The following NCOA3 variants were observed in gnomAD, a reference collection of about 807,000 sequenced individuals.
The protein encoded by NCOA3 is CBP-interacting protein.
Under a neutral mutation model 158.8 loss-of-function variants are expected in NCOA3, and 51 were observed. That is an observed-to-expected ratio of 0.32 (90% CI 0.26 to 0.41). The LOEUF (loss-of-function observed/expected upper bound fraction) is 0.41, where lower values mean the gene tolerates loss of function less well. Ranked by LOEUF, NCOA3 falls within the 10% of genes least tolerant of loss-of-function variation. The pLI, the probability that NCOA3 is intolerant of heterozygous loss-of-function variation, is 1.00. For missense variants in NCOA3, 1,510 were observed against 1,746.6 expected (o/e 0.86, Z 2.41); for synonymous variants, 537 against 592.4 (o/e 0.91, Z 1.36).
At chr20:47,596,993 C>G (rs545851070) in intron 2 of NCOA3, among the ~76,000 whole-genome samples, 1 of 152,326 alleles carries the variant, frequency 6.6e-6, no homozygotes, top group East Asian at 1.9e-4. Flanking sequence ...GCAATAAGCA[C>G]TGTAATTTTC....
At chr20:47,626,941 A>G in intron 5 of NCOA3, 61 bp from the exon 6 acceptor site, 1 of 1,399,530 alleles carries the variant, frequency 7.1e-7, no homozygotes, top group South Asian at 1.4e-5. Flanking sequence ...CAATTTAAGA[A>G]TTAGAGGGAG....
rs576114479 is a variant in NCOA3 at position 47,580,590 on chromosome 20, A to T, written c.-98-2593A>T. ...CATCCCCCCAAAAAATCCTTTCCTT[A>T]TCCCACCTCTTTTGTTCCTTAGGTG... On this transcript the variant is annotated intron_variant, in intron 1 of 22. Transcript: ENST00000371998. 3.5e-3 allele frequency among the ~76,000 whole-genome samples: 516 copies of T among 146,986 alleles called. 2 individuals are homozygous for T. The highest frequency in any genetic ancestry group is 0.012 in the African/African-American group (488 of 39,544).
In NCOA3 at chr20:47,539,189, G is replaced by A. The variant is rs145802609; in HGVS notation, c.-99+37170G>A. 1.1e-3 allele frequency among the ~76,000 whole-genome samples: 169 copies of A among 152,240 alleles called. 1 individual carries two copies. The highest frequency in any genetic ancestry group is 1.8e-3 in the Non-Finnish European group (124 of 68,022). On this transcript the variant is annotated intron_variant, in intron 1 of 22. Transcript: ENST00000371998. ...TATGTGCTGCCAGGCATGGTGGCATGTTCCTGTAGTCCCAGCTACTTGATA... is the reference window on the plus strand; with the variant it reads ...TATGTGCTGCCAGGCATGGTGGCATATTCCTGTAGTCCCAGCTACTTGATA...
chr20:47,614,979 T>C (rs2086108881), intron 2 of NCOA3, among the ~76,000 whole-genome samples: 1 of 152,204 alleles, frequency 6.6e-6, no homozygotes, highest in African/African-American at 2.4e-5. Context: ...GTAGTACAAA[T>C]GGCTTGTTTT....
chr20:47,592,895 G>A (rs145521940), intron 2 of NCOA3, among the ~76,000 whole-genome samples: 24 of 152,302 alleles, frequency 1.6e-4, no homozygotes, highest in African/African-American at 5.3e-4. Context: ...AGCAGTGAAA[G>A]TATGTCTGTG....
intron 2 of NCOA3, among the ~76,000 whole-genome samples, chr20:47,599,467 T>C (rs573633909): frequency 4.5e-4 from 69 of 152,256 alleles, no homozygotes; most frequent in Non-Finnish European, 7.9e-4. Flanking sequence ...TAAAATTGAT[T>C]ACAGTGAGAG....
chr20:47,526,089 T>G (rs75390647), intron 1 of NCOA3, among the ~76,000 whole-genome samples: 1 of 126,410 alleles, frequency 7.9e-6, no homozygotes, highest in Non-Finnish European at 1.7e-5. Context: ...TCAGACGGGG[T>G]GGCCGGGCAG....
intron 1 of NCOA3, among the ~76,000 whole-genome samples, chr20:47,571,988 A>G (rs1169731672): frequency 6.6e-6 from 1 of 152,122 alleles, no homozygotes; most frequent in Non-Finnish European, 1.5e-5. Context: ...TTGGCCTCCC[A>G]AAGTGTTGGG....
chr20:47,555,013 T>A (rs2425966), intron 1 of NCOA3, among the ~76,000 whole-genome samples: 1 of 151,900 alleles, frequency 6.6e-6, no homozygotes, highest in Non-Finnish European at 1.5e-5. Flanking sequence ...AACAGAGATA[T>A]AGACCAATGG....
chr20:47,623,866 A>T (rs1212643252), intron 3 of NCOA3, 45 bp from the exon 4 acceptor site: 4 of 1,552,146 alleles, frequency 2.6e-6, no homozygotes, highest in Non-Finnish European at 3.5e-6. Flanking sequence ...TTTGTGATAT[A>T]TATATTATGT....
intron 18 of NCOA3, 150 bp downstream of exon 18, chr20:47,647,516 T>C: frequency 1.4e-6 from 1 of 738,656 alleles, no homozygotes; most frequent in Non-Finnish European, 2.2e-6. Flanking sequence ...TTTGTACAAA[T>C]GGCTCCTTGT....
chr20:47,527,583 T>C (rs1385544455), intron 1 of NCOA3, among the ~76,000 whole-genome samples: 1 of 152,230 alleles, frequency 6.6e-6, no homozygotes, highest in Non-Finnish European at 1.5e-5. Context: ...CTGTGAACAT[T>C]TGAATACAAA....
chr20:47,565,803 C>G (rs2085184234), intron 1 of NCOA3, among the ~76,000 whole-genome samples: 1 of 152,094 alleles, frequency 6.6e-6, no homozygotes, highest in African/African-American at 2.4e-5. Context: ...TTTTTTCCTC[C>G]TTCCAGATCC....
chr20:47,545,574 CTCT>C, intron 1 of NCOA3, among the ~76,000 whole-genome samples: 1 of 151,818 alleles, frequency 6.6e-6, no homozygotes, highest in South Asian at 2.1e-4. Flanking sequence ...CTTCCTTCCC[CTCT>C]TCTTTTTTTG....
intron 2 of NCOA3, among the ~76,000 whole-genome samples, chr20:47,592,182 C>T (rs1944250313): frequency 6.6e-6 from 1 of 152,140 alleles, no homozygotes; most frequent in African/African-American, 2.4e-5. Context: ...GCTGGGATTA[C>T]AGGTGCTTGC....
At chr20:47,557,802 T>C (rs921276674) in intron 1 of NCOA3, among the ~76,000 whole-genome samples, 1 of 152,178 alleles carries the variant, frequency 6.6e-6, no homozygotes, top group Non-Finnish European at 1.5e-5. Context: ...CAAATTTAAC[T>C]TGAGGAACCA....
intron 1 of NCOA3, among the ~76,000 whole-genome samples, chr20:47,566,504 C>G (rs2085197734): frequency 6.6e-6 from 1 of 151,920 alleles, no homozygotes; most frequent in Non-Finnish European, 1.5e-5. Context: ...TCCCCCTTAT[C>G]TATATCACCT....
At chr20:47,507,009 A>G (rs1261906582) in intron 1 of NCOA3, among the ~76,000 whole-genome samples, 3 of 152,212 alleles carry the variant, frequency 2.0e-5, no homozygotes, top group South Asian at 2.1e-4. Context: ...GGTATCACAC[A>G]GTAATGGATA....
Position 47,635,390 on chromosome 20 carries a change from G to C in NCOA3, c.1181G>C (p.Cys394Ser). 6.2e-7 allele frequency: 1 copy of C among 1,614,126 alleles called. No homozygotes were observed. The highest frequency in any genetic ancestry group is 8.5e-7 in the Non-Finnish European group (1 of 1,179,964). The change falls in exon 11 of 23, where the codon TGC becomes TCC. Residue 394 changes from cysteine to serine, a missense_variant. This residue lies in a region of NCOA3 where 1,017 missense variants were observed against 1,098.3 expected (regional missense o/e 0.93). Coordinates refer to ENST00000371998, the MANE Select transcript of NCOA3 (RefSeq NM_181659.3). ...GQGIRPPMAG[C>S]NSSVGGMSMS... ...GGGATTAGACCACCTATGGCTGGAT[G>C]CAACAGTTCGGTAGGCGGCATGAGT...
Sources: allele counts gnomAD v4.1 joint callset (sites outside exome capture counted in the v4.1 genomes callset), GRCh38; gene constraint gnomAD v4.1.1; regional missense constraint gnomAD v4.1.1; transcripts MANE v1.5; gene names NCBI Gene and HGNC (gene_info 2026-07-23, HGNC 2026-07-21).